RIMS1: variants seen among roughly 807,000 people sequenced by gnomAD.
RIMS1 encodes regulating synaptic membrane exocytosis 1.
RIMS1 carries 83 observed loss-of-function variants against 214.1 expected under a neutral mutation model. That is an observed-to-expected ratio of 0.39 (90% CI 0.32 to 0.47). The LOEUF is 0.47. Ranked by LOEUF, RIMS1 falls within the 20% of genes least tolerant of loss-of-function variation. The probability of loss-of-function intolerance (pLI) is 0.99; values close to 1 mark genes in which losing one functional copy is unlikely to be tolerated. For synonymous variants in RIMS1, 793 were observed against 786.8 expected (o/e 1.01, Z -0.13); for missense variants, 2,050 against 2,161.8 (o/e 0.95, Z 1.03).
chr6:72,121,561 A>G (rs771612235), intron 4 of RIMS1, among the ~76,000 whole-genome samples: 9 of 151,860 alleles, frequency 5.9e-5, no homozygotes, highest in Non-Finnish European at 1.2e-4. Context: ...GGCTGTGACA[A>G]TGGGGTTTTC....
intron 28 of RIMS1, among the ~76,000 whole-genome samples, chr6:72,331,199 C>CT (rs760191563): frequency 8.6e-5 from 13 of 151,606 alleles, no homozygotes; most frequent in Non-Finnish European, 1.3e-4. Flanking sequence ...TCTTTATAAA[C>CT]TAAAGAACAT....
At chr6:72,010,155 G>T (rs1809823712) in intron 2 of RIMS1, among the ~76,000 whole-genome samples, 1 of 152,076 alleles carries the variant, frequency 6.6e-6, no homozygotes, top group Non-Finnish European at 1.5e-5. Flanking sequence ...CTTCATCCTG[G>T]GATGCAAGGC....
Position 72,252,786 on chromosome 6 carries a change from C to T in RIMS1, c.2724C>T (p.Asp908=). The change falls in exon 16 of 34, where the codon GAC becomes GAT. Residue 908 remains aspartate, a synonymous_variant. Coordinates refer to ENST00000521978, the MANE Select transcript of RIMS1 (RefSeq NM_014989.7). The part of the protein sequence containing the change: ...LQRSQRISDS[D]ISDYEVDDGI... ...GATCTCAGCGAATCAGTGATAGTGA[C>T]ATCTCAGATTATGAGGTTGATGATG... 6.4e-7 allele frequency: 1 copy of T among 1,559,410 alleles called. No homozygotes were observed. Among genetic ancestry groups the T allele is most frequent in the Non-Finnish European group, 8.7e-7 (1 of 1,150,432 alleles).
intron 1 of RIMS1, among the ~76,000 whole-genome samples, chr6:71,890,585 A>T (rs1199726843): frequency 1.4e-5 from 2 of 145,052 alleles, no homozygotes; most frequent in Non-Finnish European, 3.0e-5. Flanking sequence ...AAAAAAAAAA[A>T]AAAAAAAAAA....
intron 2 of RIMS1, among the ~76,000 whole-genome samples, chr6:71,987,321 T>C (rs9342910): frequency 0.73 from 111,231 of 152,082 alleles, 40,988 homozygotes; most frequent in East Asian, 0.98. Flanking sequence ...ATCAGCGTGC[T>C]AGAATTGATC....
chr6:72,250,381 C>G lies in RIMS1; in HGVS notation c.2293C>G (p.Gln765Glu). Residue 765 changes from glutamine (Q) to glutamate (E), a missense_variant, in exon 13 of 34, where the codon CAA becomes GAA. This residue lies in a region of RIMS1 where 889 missense variants were observed against 885.5 expected (regional missense o/e 1.00). Transcript: ENST00000521978. ...VGHQLIVNVL[Q>E]ATDLPARVDG... ...ACACCAGCTGATTGTAAATGTTCTG[C>G]AAGCAACAGATCTACCTGCTAGAGT... 1 of 1,609,400 alleles carries G rather than the reference C, an allele frequency of 6.2e-7. No homozygotes were observed. Among genetic ancestry groups the G allele is most frequent in the East Asian group, 2.2e-5 (1 of 44,582 alleles).
chr6:72,037,497 C>A (rs1819976558), intron 2 of RIMS1, among the ~76,000 whole-genome samples: 1 of 151,646 alleles, frequency 6.6e-6, no homozygotes, highest in Admixed American at 6.6e-5. Context: ...TACAGATGAT[C>A]CCTTGAGGTT....
intron 2 of RIMS1, among the ~76,000 whole-genome samples, chr6:72,058,889 T>C (rs1827088098): frequency 6.6e-6 from 1 of 152,190 alleles, no homozygotes; most frequent in Non-Finnish European, 1.5e-5. Context: ...ATGACCTCTT[T>C]ATCTGTATAA....
intron 29 of RIMS1, among the ~76,000 whole-genome samples, chr6:72,343,492 C>CTTTTTTTTTTTTTTTTTTTTTTTTTTTT (rs764125827): frequency 3.5e-5 from 2 of 57,302 alleles, no homozygotes; most frequent in East Asian, 4.5e-4. Context: ...TCTTCTTCTT[C>CTTTTTTTTTTTTTTTTTTTTTTTTTTTT]TTTTTTTTTT....
At chr6:71,919,231 A>G (rs191974096) in intron 1 of RIMS1, among the ~76,000 whole-genome samples, 1 of 152,028 alleles carries the variant, frequency 6.6e-6, no homozygotes, top group Non-Finnish European at 1.5e-5. Context: ...GTCAGTGGGG[A>G]GAGATAGGTG....
chr6:71,982,409 C>A (rs1290629402), intron 2 of RIMS1, among the ~76,000 whole-genome samples: 1 of 152,080 alleles, frequency 6.6e-6, no homozygotes, highest in Non-Finnish European at 1.5e-5. Flanking sequence ...GTGCATGCTA[C>A]TTTACACATA....
intron 1 of RIMS1, among the ~76,000 whole-genome samples, chr6:71,931,661 CAT>C (rs765132878): frequency 2.0e-5 from 3 of 151,634 alleles, no homozygotes; most frequent in Non-Finnish European, 4.4e-5. Flanking sequence ...TTGTTGGATG[CAT>C]AGTTTGCAGA....
chr6:72,249,316 T>G (rs1044214136), intron 12 of RIMS1, among the ~76,000 whole-genome samples: 4 of 152,218 alleles, frequency 2.6e-5, no homozygotes, highest in African/African-American at 9.6e-5. Context: ...CCAATTCTTG[T>G]GAGTTTGACA....
At chr6:71,903,300 T>C (rs1217387012) in intron 1 of RIMS1, among the ~76,000 whole-genome samples, 1 of 152,154 alleles carries the variant, frequency 6.6e-6, no homozygotes, top group Non-Finnish European at 1.5e-5. Context: ...TTTTTTATCA[T>C]ATGTTGATTG....
chr6:72,007,581 G>T (rs1808301485), intron 2 of RIMS1, among the ~76,000 whole-genome samples: 1 of 152,156 alleles, frequency 6.6e-6, no homozygotes, highest in South Asian at 2.1e-4. Context: ...CTTGAAAACA[G>T]ATTAGACGAA....
chr6:72,379,467 TA>T (rs2098448799), intron 29 of RIMS1, among the ~76,000 whole-genome samples: 1 of 152,262 alleles, frequency 6.6e-6, no homozygotes, highest in Non-Finnish European at 1.5e-5. Flanking sequence ...GGGGCACATG[TA>T]ATTATCTGTG....
intron 29 of RIMS1, among the ~76,000 whole-genome samples, chr6:72,352,717 G>A (rs759364093): frequency 2.3e-4 from 35 of 152,214 alleles, no homozygotes; most frequent in Middle Eastern, 6.8e-3. Flanking sequence ...AAGGGAAATG[G>A]AGAACATATA....
At position 71,996,560 on chromosome 6, in the gene RIMS1, C is replaced by T. The variant is rs185177728; in HGVS notation, c.245+27497C>T. ...TGTACTTTATTCCTTTCTCTTTGAA[C>T]GGATATTTTCTCTGCACTACTTATA... On this transcript the variant is annotated intron_variant, in intron 2 of 33. Coordinates refer to ENST00000521978, the MANE Select transcript of RIMS1 (RefSeq NM_014989.7). 1.2e-4 allele frequency among the ~76,000 whole-genome samples: 18 copies of T among 152,270 alleles called. No individual in the cohort carries two copies. In the East Asian group the frequency reaches 1.9e-3, roughly 16 times the overall value.
At chr6:72,328,296 G>T (rs1380741780) in intron 28 of RIMS1, among the ~76,000 whole-genome samples, 1 of 151,712 alleles carries the variant, frequency 6.6e-6, no homozygotes. Context: ...AGGCCTGTCA[G>T]GGGGTAGGGG....
Sources: gnomAD v4.1 joint callset for allele counts (sites outside exome capture counted in the v4.1 genomes callset) on GRCh38, gnomAD v4.1.1 for gene constraint, gnomAD v4.1.1 regional missense constraint, MANE v1.5 for transcripts, NCBI Gene and HGNC (gene_info 2026-07-23, HGNC 2026-07-21) for gene names.